ARHGAP20: variants seen among roughly 807,000 people sequenced by gnomAD.
ARHGAP20 encodes Rho GTPase activating protein 20, also known as rho GTPase-activating protein 20.
A neutral mutation model predicts 73.7 loss-of-function variants in ARHGAP20; 34 were observed. The observed-to-expected ratio is 0.46, with a 90% CI of 0.35 to 0.61. ARHGAP20 has a LOEUF of 0.61. Ranked by LOEUF, ARHGAP20 falls within the 20% of genes least tolerant of loss-of-function variation. The pLI is 0.00. For synonymous variants in ARHGAP20, 523 were observed against 518.2 expected (o/e 1.01, Z -0.13); for missense variants, 1,314 against 1,420.9 (o/e 0.92, Z 1.21).
At chr11:110,588,801 TAAAG>T (rs775933494) in intron 11 of ARHGAP20, among the ~76,000 whole-genome samples, 25 of 152,158 alleles carry the variant, frequency 1.6e-4, no homozygotes, top group Non-Finnish European at 3.1e-4. Flanking sequence ...TCTTGGTTGT[TAAAG>T]AAAATTGTTT....
rs533754882 is a variant in ARHGAP20 at position 110,603,967 on chromosome 11, T to C, written c.964+2594A>G. Among the ~76,000 whole-genome samples the C allele has an allele frequency of 1.8e-3, 272 of 152,308 alleles. 4 individuals carry two copies. Among genetic ancestry groups the C allele is most frequent in the African/African-American group, 6.2e-3 (257 of 41,586 alleles). The stretch of plus-strand genomic sequence containing the variant: ...TAAATTCCAACTAAGTGAAATGTTA[T>C]CCCTCCAAGAGAATTCACTTCTCAC... On this transcript the variant is annotated intron_variant, in intron 9 of 14. Coordinates refer to ENST00000683387, the MANE Select transcript of ARHGAP20 (RefSeq NM_001384657.1).
chr11:110,594,702 C>G (rs866647428), intron 9 of ARHGAP20, among the ~76,000 whole-genome samples: 2 of 152,148 alleles, frequency 1.3e-5, no homozygotes, highest in African/African-American at 4.8e-5. Context: ...CCGAATTCTA[C>G]CAGAGGTACA....
chr11:110,577,943 T>C lies in ARHGAP20; in HGVS notation c.*1427A>G. ...ATAAGACAAATAATTTGGAATAAGCTAGCTTGTGAGAGAAAGGTCCATCTG... is the reference window on the plus strand; with the variant it reads ...ATAAGACAAATAATTTGGAATAAGCCAGCTTGTGAGAGAAAGGTCCATCTG... On this transcript the variant is annotated 3_prime_UTR_variant, in exon 15 of 15. Transcript: ENST00000683387. 2.0e-6 allele frequency: 2 copies of C among 985,684 alleles called. No homozygotes were observed. The highest frequency in any genetic ancestry group is 2.4e-6 in the Non-Finnish European group (2 of 829,902). The allele number at this position is 985,684 out of a possible 1,614,324, so 61.1% of individuals were successfully genotyped here.
chr11:110,679,943 G>A lies in ARHGAP20; in HGVS notation c.188+10604C>T, dbSNP rs11213530. Among the ~76,000 whole-genome samples, 1,091 of 152,286 alleles carry A rather than the reference G, an allele frequency of 7.2e-3. 15 individuals are homozygous for A. The highest frequency in any genetic ancestry group is 0.025 in the African/African-American group (1,038 of 41,568). On this transcript the variant is annotated intron_variant, in intron 2 of 14. Transcript: ENST00000683387. ...TTTCTGTGGCTTTTCAACACTGGAT[G>A]TGTACACTTTCTCAGGTAGCAGTAG...
At chr11:110,610,222 T>C (rs1202704413) in intron 7 of ARHGAP20, among the ~76,000 whole-genome samples, 1 of 152,098 alleles carries the variant, frequency 6.6e-6, no homozygotes, top group Non-Finnish European at 1.5e-5. Flanking sequence ...TATTACAAAA[T>C]TTAACGAATT....
At chr11:110,708,991 T>C (rs1209668596) in intron 1 of ARHGAP20, among the ~76,000 whole-genome samples, 1 of 152,202 alleles carries the variant, frequency 6.6e-6, no homozygotes, top group Non-Finnish European at 1.5e-5. Context: ...ATGGACACTG[T>C]AGATAAAGGC....
At chr11:110,672,980 C>T (rs1418629385) in intron 2 of ARHGAP20, among the ~76,000 whole-genome samples, 3 of 152,112 alleles carry the variant, frequency 2.0e-5, no homozygotes, top group African/African-American at 7.2e-5. Context: ...TATCTCTCAA[C>T]AGAATAAACT....
chr11:110,580,384 G>A lies in ARHGAP20; in HGVS notation c.2562C>T (p.Asn854=), dbSNP rs200629075. The change falls in exon 15 of 15, where the codon AAC becomes AAT. Residue 854 remains asparagine, a synonymous_variant. Coordinates refer to ENST00000683387, the MANE Select transcript of ARHGAP20 (RefSeq NM_001384657.1). ...RCSEPNIEDQ[N]RKLTYLRGIY... is the part of the protein sequence containing the mutation. ...TTCCCCTGAGATAGGTCAGCTTGCG[G>A]TTCTGGTCTTCTATGTTGGGCTCTG... 1.2e-6 allele frequency: 2 copies of A among 1,614,220 alleles called. No homozygotes were observed. Among genetic ancestry groups the A allele is most frequent in the African/African-American group, 2.7e-5 (2 of 75,056 alleles).
At chr11:110,678,962 G>A (rs1028660453) in intron 2 of ARHGAP20, among the ~76,000 whole-genome samples, 8 of 152,028 alleles carry the variant, frequency 5.3e-5, no homozygotes, top group South Asian at 4.1e-4. Context: ...CACTGTACCC[G>A]GCCAAACAAA....
At chr11:110,632,349 T>A (rs956377804) in intron 2 of ARHGAP20, among the ~76,000 whole-genome samples, 1 of 152,186 alleles carries the variant, frequency 6.6e-6, no homozygotes, top group African/African-American at 2.4e-5. Context: ...CATTTGGTGT[T>A]ATCAATCTTT....
chr11:110,701,966 T>C (rs1950461898), intron 1 of ARHGAP20, among the ~76,000 whole-genome samples: 1 of 152,206 alleles, frequency 6.6e-6, no homozygotes, highest in South Asian at 2.1e-4. Flanking sequence ...ACCAGTACCA[T>C]GCTGTTTTGG....
intron 1 of ARHGAP20, among the ~76,000 whole-genome samples, chr11:110,711,271 C>G (rs1294431319): frequency 1.3e-5 from 2 of 152,148 alleles, no homozygotes; most frequent in East Asian, 1.9e-4. Context: ...CCTCTCCCAG[C>G]TTTGACAGGG....
chr11:110,669,657 C>A (rs1296703521), intron 2 of ARHGAP20, among the ~76,000 whole-genome samples: 2 of 151,998 alleles, frequency 1.3e-5, no homozygotes. Flanking sequence ...AAGTTCTGAC[C>A]AGAGCAAGTG....
chr11:110,699,029 A>G (rs1703560587), intron 1 of ARHGAP20, among the ~76,000 whole-genome samples: 2 of 151,546 alleles, frequency 1.3e-5, no homozygotes, highest in South Asian at 4.1e-4. Context: ...AGATCTTTCT[A>G]TCTTTTTGGT....
intron 9 of ARHGAP20, among the ~76,000 whole-genome samples, chr11:110,599,569 T>C (rs1948059391): frequency 1.3e-5 from 2 of 152,314 alleles, no homozygotes; most frequent in South Asian, 4.1e-4. Flanking sequence ...GGCCTACTTT[T>C]AGGCCAGGGA....
intron 4 of ARHGAP20, among the ~76,000 whole-genome samples, chr11:110,616,039 G>A (rs530144105): frequency 4.6e-5 from 7 of 151,844 alleles, no homozygotes; most frequent in East Asian, 1.9e-4. Context: ...TAGCTCACAC[G>A]GCCATACAAA....
chr11:110,611,390 T>C lies in ARHGAP20; in HGVS notation c.631-4A>G, dbSNP rs753553189. ...TCATTACTGTTATAGTTTTAGACTG[T>C]AGAAAAAAAATAAGAAATATAGCTA... is the stretch of plus-strand genomic sequence containing the variant. On this transcript the variant is annotated splice_region_variant and splice_polypyrimidine_tract_variant and intron_variant, in intron 6 of 14. Transcript: ENST00000683387. 4 of 1,435,016 alleles carry C rather than the reference T, an allele frequency of 2.8e-6. No homozygotes were observed. The highest frequency in any genetic ancestry group is 2.8e-6 in the Non-Finnish European group (3 of 1,059,640). 88.9% of individuals were successfully genotyped at this position (1,435,016 alleles called of 1,614,324 possible). A position where few individuals can be genotyped will look rare whatever the true frequency, so the allele number is the denominator to read the frequency against.
intron 1 of ARHGAP20, among the ~76,000 whole-genome samples, chr11:110,694,772 T>C (rs1565482063): frequency 2.0e-5 from 3 of 151,630 alleles, no homozygotes; most frequent in Non-Finnish European, 4.4e-5. Context: ...CTCTCCTCTG[T>C]AGCAAGCATA....
At chr11:110,703,195 A>G (rs922757231) in intron 1 of ARHGAP20, among the ~76,000 whole-genome samples, 2 of 152,164 alleles carry the variant, frequency 1.3e-5, no homozygotes, top group Non-Finnish European at 2.9e-5. Context: ...TTTAGCTAAA[A>G]TAAATGTAAT....
Sources: gnomAD v4.1 joint callset for allele counts (sites outside exome capture counted in the v4.1 genomes callset) on GRCh38, gnomAD v4.1.1 for gene constraint, MANE v1.5 for transcripts, NCBI Gene and HGNC (gene_info 2026-07-23, HGNC 2026-07-21) for gene names.